Variants in CNBD1 observed in about 807,000 individuals in gnomAD.
The protein encoded by CNBD1 is cyclic nucleotide binding domain containing 1, also known as cyclic nucleotide-binding domain-containing protein 1.
A neutral mutation model predicts 54.4 loss-of-function variants in CNBD1; 71 were observed. That is an observed-to-expected ratio of 1.30 (90% CI 1.08 to 1.59). The LOEUF (loss-of-function observed/expected upper bound fraction) is 1.59, where lower values mean the gene tolerates loss of function less well. Among genes scored for constraint, CNBD1 ranks in the 40% most tolerant of loss-of-function variants. The probability of loss-of-function intolerance (pLI) is 0.00; values close to 1 mark genes in which losing one functional copy is unlikely to be tolerated. For missense variants in CNBD1, 659 were observed against 518.0 expected (o/e 1.27, Z -2.64); for synonymous variants, 182 against 170.7 (o/e 1.07, Z -0.51).
intron 8 of CNBD1, among the ~76,000 whole-genome samples, chr8:87,333,094 T>G (rs1809869944): frequency 6.6e-6 from 1 of 152,166 alleles, no homozygotes; most frequent in Non-Finnish European, 1.5e-5. Context: ...TCATGTCCCT[T>G]GTTAGATGTA....
intron 2 of CNBD1, among the ~76,000 whole-genome samples, chr8:87,427,661 A>C (rs1450649503): frequency 1.3e-5 from 2 of 152,190 alleles, no homozygotes; most frequent in African/African-American, 4.8e-5. Flanking sequence ...AAATGCTTTC[A>C]TCACAAGTAA....
At chr8:87,130,538 A>T (rs1812096360) in intron 4 of CNBD1, among the ~76,000 whole-genome samples, 1 of 152,020 alleles carries the variant, frequency 6.6e-6, no homozygotes, top group African/African-American at 2.4e-5. Context: ...GCACTTTGGG[A>T]GGCCAAGATA....
intron 3 of CNBD1, among the ~76,000 whole-genome samples, chr8:86,933,427 G>A (rs1474065534): frequency 6.6e-6 from 1 of 152,126 alleles, no homozygotes; most frequent in Non-Finnish European, 1.5e-5. Flanking sequence ...GAATGAATTA[G>A]TCATTAAATC....
chr8:86,873,091 GT>G (rs1017762989), intron 1 of CNBD1, among the ~76,000 whole-genome samples: 2 of 149,450 alleles, frequency 1.3e-5, no homozygotes, highest in Non-Finnish European at 3.0e-5. Context: ...TGTTGTTGTT[GT>G]TGTTGTTTTA....
chr8:86,951,581 CAAAAAAAAAAAAAAAAA>C (rs71275901), intron 4 of CNBD1, among the ~76,000 whole-genome samples: 29 of 37,356 alleles, frequency 7.8e-4, no homozygotes, highest in East Asian at 3.6e-3. Flanking sequence ...CTCCGTCTCA[CAAAAAAAAAAAAAAAAA>C]AAAAAAAAAA....
chr8:86,953,381 C>T (rs1586158631), intron 4 of CNBD1, among the ~76,000 whole-genome samples: 1 of 152,298 alleles, frequency 6.6e-6, no homozygotes, highest in South Asian at 2.1e-4. Context: ...ATGGTAGTCA[C>T]AGTGAAAAAC....
intron 4 of CNBD1, among the ~76,000 whole-genome samples, chr8:87,122,866 A>G (rs994473885): frequency 6.6e-6 from 1 of 151,802 alleles, no homozygotes; most frequent in Non-Finnish European, 1.5e-5. Context: ...TCAGTTAACC[A>G]TAGATGTATG....
At chr8:87,307,559 G>A (rs1012678325) in intron 8 of CNBD1, among the ~76,000 whole-genome samples, 9 of 152,036 alleles carry the variant, frequency 5.9e-5, no homozygotes, top group East Asian at 1.9e-4. Context: ...ACAACATGGC[G>A]AAGTGTCATC....
intron 4 of CNBD1, among the ~76,000 whole-genome samples, chr8:87,113,216 G>A (rs1811700057): frequency 6.6e-6 from 1 of 152,194 alleles, no homozygotes; most frequent in Non-Finnish European, 1.5e-5. Context: ...GTGAGCCATG[G>A]GCAGTAGGTA....
intron 5 of CNBD1, among the ~76,000 whole-genome samples, chr8:87,231,297 A>G (rs1475643819): frequency 6.6e-6 from 1 of 152,176 alleles, no homozygotes; most frequent in Non-Finnish European, 1.5e-5. Context: ...GTCTTATTTT[A>G]TCATAATTGA....
chr8:87,029,264 G>T (rs10955170), intron 4 of CNBD1, among the ~76,000 whole-genome samples: 1 of 152,100 alleles, frequency 6.6e-6, no homozygotes, highest in Non-Finnish European at 1.5e-5. Context: ...TACGTGAAAA[G>T]TGGAGCATAG....
chr8:86,932,984 G>A lies in CNBD1; in HGVS notation c.273-6612G>A, dbSNP rs1004354744. Among the ~76,000 whole-genome samples, 5 of 151,998 alleles carry A rather than the reference G, an allele frequency of 3.3e-5. No individual in the cohort carries two copies. The South Asian group carries it at 8.3e-4, about 25-fold the overall frequency. ...AAGGTCGTATTTAGTGGCCCTTACC[G>A]ACACATTCTCGAAAACCTGCACCCT... On this transcript the variant is annotated intron_variant, in intron 3 of 10. Coordinates refer to ENST00000518476, the MANE Select transcript of CNBD1 (RefSeq NM_173538.3).
At chr8:86,883,088 G>C (rs1808627777) in intron 1 of CNBD1, among the ~76,000 whole-genome samples, 1 of 152,012 alleles carries the variant, frequency 6.6e-6, no homozygotes, top group African/African-American at 2.4e-5. Flanking sequence ...TTAATATCTG[G>C]GTGATGAAAT....
At chr8:86,893,898 C>A (rs180862805) in intron 2 of CNBD1, among the ~76,000 whole-genome samples, 1 of 151,954 alleles carries the variant, frequency 6.6e-6, no homozygotes, top group Non-Finnish European at 1.5e-5. Context: ...ATCTACTACT[C>A]CACTCTAGCT....
chr8:87,251,858 C>CT (rs1402081386), intron 6 of CNBD1, among the ~76,000 whole-genome samples: 1 of 151,814 alleles, frequency 6.6e-6, no homozygotes, highest in Admixed American at 6.6e-5. Context: ...CTGTATTTAT[C>CT]TTTTTAAAAA....
chr8:86,998,242 T>G (rs1808920947), intron 4 of CNBD1, among the ~76,000 whole-genome samples: 1 of 151,918 alleles, frequency 6.6e-6, no homozygotes. Flanking sequence ...GCTGATTTAT[T>G]AACATTGAAC....
At chr8:87,087,293 T>G (rs543284034) in intron 4 of CNBD1, among the ~76,000 whole-genome samples, 1 of 144,340 alleles carries the variant, frequency 6.9e-6, no homozygotes, top group Non-Finnish European at 1.5e-5. Flanking sequence ...ATATATATAT[T>G]TTTTATTGCC....
At chr8:87,000,044 T>C (rs1249677216) in intron 4 of CNBD1, among the ~76,000 whole-genome samples, 1 of 152,164 alleles carries the variant, frequency 6.6e-6, no homozygotes, top group East Asian at 1.9e-4. Context: ...TTTAAGTTCT[T>C]AATTTTTGGT....
At chr8:87,133,537 T>C (rs1434588460) in intron 4 of CNBD1, among the ~76,000 whole-genome samples, 1 of 152,162 alleles carries the variant, frequency 6.6e-6, no homozygotes, top group African/African-American at 2.4e-5. Flanking sequence ...AGTCAAAGCA[T>C]GGGCCACTCT....
Sources: allele counts gnomAD v4.1 joint callset (sites outside exome capture counted in the v4.1 genomes callset), GRCh38; gene constraint gnomAD v4.1.1; transcripts MANE v1.5; gene names NCBI Gene and HGNC (gene_info 2026-07-23, HGNC 2026-07-21).